PLD5: variants seen among roughly 807,000 people sequenced by gnomAD.
PLD5 encodes the protein inactive phospholipase D5.
Under a neutral mutation model 61.1 loss-of-function variants are expected in PLD5, and 36 were observed. That is an observed-to-expected ratio of 0.59 (90% CI 0.45 to 0.78). The LOEUF (loss-of-function observed/expected upper bound fraction) is 0.78, where lower values mean the gene tolerates loss of function less well. PLD5 is among the 30% of genes least tolerant of loss of function. PLD5 has a pLI of 0.00. For missense variants in PLD5, 515 were observed against 644.4 expected (o/e 0.80, Z 2.17); for synonymous variants, 243 against 242.8 (o/e 1.00, Z -0.01).
chr1:242,460,886 T>A (rs1667096891), intron 1 of PLD5, among the ~76,000 whole-genome samples: 1 of 149,180 alleles, frequency 6.7e-6, no homozygotes. Flanking sequence ...ATGTTTGTAA[T>A]CCCAGAACTT....
At chr1:242,374,933 T>G (rs982520242) in intron 1 of PLD5, among the ~76,000 whole-genome samples, 1 of 152,212 alleles carries the variant, frequency 6.6e-6, no homozygotes, top group African/African-American at 2.4e-5. Flanking sequence ...GTGAGTTGAT[T>G]TTTTTCAGCA....
At chr1:242,346,941 A>G (rs1199839174) in intron 2 of PLD5, among the ~76,000 whole-genome samples, 1 of 152,230 alleles carries the variant, frequency 6.6e-6, no homozygotes, top group Non-Finnish European at 1.5e-5. Context: ...CTTGCTAAGG[A>G]TAATGGCTTT....
intron 3 of PLD5, among the ~76,000 whole-genome samples, chr1:242,269,118 T>C (rs1429239060): frequency 6.6e-6 from 1 of 152,138 alleles, no homozygotes; most frequent in Non-Finnish European, 1.5e-5. Flanking sequence ...TCTGGGATTA[T>C]AGGCATGAGC....
chr1:242,524,723 G>A (rs1246381287), upstream of PLD5: 2 of 146,090 alleles, frequency 1.4e-5, no homozygotes, highest in African/African-American at 2.5e-5. Flanking sequence ...TCCCGGGGCG[G>A]CGGCGGCGGC....
At chr1:242,317,734 G>GA (rs35037707) in intron 2 of PLD5, among the ~76,000 whole-genome samples, 103,670 of 147,234 alleles carry the variant, frequency 0.7, 36,840 homozygotes, top group Admixed American at 0.77. Flanking sequence ...CATTTCAAAG[G>GA]AAAAAAAAAA....
At chr1:242,174,800 C>G (rs1667008856) in intron 5 of PLD5, among the ~76,000 whole-genome samples, 1 of 151,592 alleles carries the variant, frequency 6.6e-6, no homozygotes, top group South Asian at 2.1e-4. Context: ...ATCACAAGGA[C>G]AAAAAACCAA....
intron 1 of PLD5, among the ~76,000 whole-genome samples, chr1:242,438,475 A>T (rs1467645021): frequency 9.6e-6 from 1 of 103,892 alleles, no homozygotes; most frequent in Non-Finnish European, 1.9e-5. Flanking sequence ...ATGGAGTTTC[A>T]CTCTTGTCAC....
chr1:242,234,839 G>T (rs1190915843), intron 4 of PLD5, among the ~76,000 whole-genome samples: 1 of 152,036 alleles, frequency 6.6e-6, no homozygotes, highest in Admixed American at 6.6e-5. Context: ...GGAGGTGAGA[G>T]AAAGGCTCTG....
At chr1:242,478,360 C>T (rs553476682) in intron 1 of PLD5, among the ~76,000 whole-genome samples, 1 of 152,238 alleles carries the variant, frequency 6.6e-6, no homozygotes, top group Admixed American at 6.5e-5. Context: ...ATTCCAAAGA[C>T]CTCTGGGTGG....
intron 1 of PLD5, among the ~76,000 whole-genome samples, chr1:242,438,979 C>A (rs1417425201): frequency 1.3e-5 from 2 of 152,126 alleles, no homozygotes; most frequent in African/African-American, 2.4e-5. Context: ...CCTTTCATTG[C>A]ACTTATCTCA....
intron 6 of PLD5, among the ~76,000 whole-genome samples, chr1:242,116,910 C>T (rs1558237929): frequency 6.6e-6 from 1 of 152,232 alleles, no homozygotes; most frequent in East Asian, 1.9e-4. Flanking sequence ...CACAGATATA[C>T]AGATACTCCA....
chr1:242,426,659 A>G (rs1665445387), intron 1 of PLD5, among the ~76,000 whole-genome samples: 1 of 152,248 alleles, frequency 6.6e-6, no homozygotes, highest in Admixed American at 6.5e-5. Context: ...CTGTAAGTAT[A>G]TATGTGAGGC....
chr1:242,147,499 T>A (rs889375729), intron 5 of PLD5: 2 of 152,184 alleles, frequency 1.3e-5, no homozygotes, highest in East Asian at 1.9e-4. Flanking sequence ...TTCGTGAGGA[T>A]GTAGTTTTCA....
At chr1:242,441,736 G>C (rs554211243) in intron 1 of PLD5, among the ~76,000 whole-genome samples, 2 of 151,992 alleles carry the variant, frequency 1.3e-5, no homozygotes, top group Non-Finnish European at 2.9e-5. Flanking sequence ...CCTAGGCAGG[G>C]GAGCCACCGA....
intron 5 of PLD5, among the ~76,000 whole-genome samples, chr1:242,213,890 T>C (rs1286990822): frequency 6.6e-6 from 1 of 151,442 alleles, no homozygotes; most frequent in Non-Finnish European, 1.5e-5. Flanking sequence ...ATACCGGGAC[T>C]AAAACACTCT....
At chr1:242,153,852 A>G (rs926385844) in intron 5 of PLD5, among the ~76,000 whole-genome samples, 1 of 152,124 alleles carries the variant, frequency 6.6e-6, no homozygotes, top group Non-Finnish European at 1.5e-5. Context: ...TTTTGGTTCC[A>G]TATGAAGTTT....
chr1:242,397,695 A>G (rs1663673955), intron 1 of PLD5, among the ~76,000 whole-genome samples: 1 of 151,708 alleles, frequency 6.6e-6, no homozygotes, highest in African/African-American at 2.4e-5. Context: ...TTACTTTAAG[A>G]CTATTCTATA....
At chr1:242,303,476 T>C (rs949141381) in intron 2 of PLD5, among the ~76,000 whole-genome samples, 103 of 152,250 alleles carry the variant, frequency 6.8e-4, no homozygotes, top group African/African-American at 2.4e-3. Context: ...AATGTATAAA[T>C]GCTATTTTCT....
In PLD5 at chr1:242,098,545, T is replaced by TTTGA. The variant is rs1660436603; in HGVS notation, c.1354+2122_1354+2123insTCAA. Among the ~76,000 whole-genome samples the TTTGA allele has an allele frequency of 2.0e-5, 3 of 152,352 alleles. No individual in the cohort carries two copies. In the East Asian group the frequency reaches 5.8e-4, roughly 29 times the overall value. ...TGGAGTAGTTTGATCGTCTGAAGCC[T>TTTGA]TCTTCTCTCAACTCGTCAAAGTCAT... On this transcript the variant is annotated intron_variant, in intron 9 of 9. Coordinates refer to ENST00000536534, the MANE Select transcript of PLD5 (RefSeq NM_001372062.1).
Sources: allele counts gnomAD v4.1 joint callset (sites outside exome capture counted in the v4.1 genomes callset), GRCh38; gene constraint gnomAD v4.1.1; transcripts MANE v1.5; gene names NCBI Gene and HGNC (gene_info 2026-07-23, HGNC 2026-07-21).